CNTNAP2: variants seen among roughly 807,000 people sequenced by gnomAD.
CNTNAP2 encodes contactin associated protein 2.
In CNTNAP2, 98 loss-of-function variants were observed where a neutral mutation model predicts 155.2. That is an observed-to-expected ratio of 0.63 (90% confidence interval 0.54 to 0.75). The LOEUF (loss-of-function observed/expected upper bound fraction) is 0.75. CNTNAP2 is among the 30% of genes least tolerant of loss of function. The pLI is 0.00. For synonymous variants in CNTNAP2, 651 were observed against 631.2 expected, an observed-to-expected ratio of 1.03 and a Z score of -0.47; for missense variants, 1,727 against 1,688.1, an observed-to-expected ratio of 1.02 and a Z score of -0.40.
chr7:147,706,628 TTGTA>T (rs1796321383), intron 13 of CNTNAP2, among the ~76,000 whole-genome samples: 1 of 152,188 alleles, frequency 6.6e-6, no homozygotes. Flanking sequence ...GGAATTGTAT[TTGTA>T]TGGGAACTTC....
chr7:146,494,106 G>A (rs954906075), intron 1 of CNTNAP2, among the ~76,000 whole-genome samples: 1 of 152,080 alleles, frequency 6.6e-6, no homozygotes, highest in Admixed American at 6.6e-5. Context: ...AGGCCGAGGC[G>A]GGCGGATCAC....
chr7:146,487,596 C>T (rs1291988500), intron 1 of CNTNAP2, among the ~76,000 whole-genome samples: 2 of 152,282 alleles, frequency 1.3e-5, no homozygotes, highest in South Asian at 2.1e-4. Context: ...ATTTTCCCCA[C>T]AGCAAACTGA....
At chr7:146,617,260 C>T (rs1799241996) in intron 1 of CNTNAP2, among the ~76,000 whole-genome samples, 1 of 152,190 alleles carries the variant, frequency 6.6e-6, no homozygotes, top group Non-Finnish European at 1.5e-5. Flanking sequence ...ATAACATGAG[C>T]TTGAACAAAA....
At chr7:147,258,655 CA>C (rs1308504273) in intron 8 of CNTNAP2, among the ~76,000 whole-genome samples, 2 of 152,090 alleles carry the variant, frequency 1.3e-5, no homozygotes, top group South Asian at 4.1e-4. Flanking sequence ...AGTCGAAGAT[CA>C]GGGGTGCAAA....
At chr7:147,043,215 G>A (rs1344991559) in intron 3 of CNTNAP2, among the ~76,000 whole-genome samples, 1 of 151,512 alleles carries the variant, frequency 6.6e-6, no homozygotes, top group South Asian at 2.1e-4. Flanking sequence ...TTGAATGATC[G>A]TTATGTATGC....
At chr7:147,717,150 G>T (rs150768187) in intron 13 of CNTNAP2, among the ~76,000 whole-genome samples, 2,505 of 152,070 alleles carry the variant, frequency 0.016, 225 homozygotes, top group Admixed American at 0.15. Flanking sequence ...CTTTCCTTTA[G>T]GTCCTATGGC....
intron 1 of CNTNAP2, among the ~76,000 whole-genome samples, chr7:146,462,594 G>GT (rs1017949976): frequency 2.0e-5 from 3 of 152,048 alleles, no homozygotes; most frequent in African/African-American, 7.2e-5. Flanking sequence ...CCATTAGTAC[G>GT]TTTTGTTTTC....
At chr7:146,492,462 C>T (rs1797155370) in intron 1 of CNTNAP2, among the ~76,000 whole-genome samples, 1 of 152,138 alleles carries the variant, frequency 6.6e-6, no homozygotes, top group African/African-American at 2.4e-5. Context: ...CATCTTAGTT[C>T]CTTGGTTCTT....
In CNTNAP2 at chr7:146,721,584, CTATATATATATTCTATATACATTCTA is replaced by C. The variant is rs1801318715; in HGVS notation, c.98-52677_98-52652del. Among the ~76,000 whole-genome samples the C allele has an allele frequency of 5.1e-5, 4 of 78,868 alleles. 1 individual carries two copies. The African/African-American group carries it at 5.6e-4, about 11-fold the overall frequency. The allele number at this position is 78,868 out of a possible 152,430, so 51.7% of individuals were successfully genotyped here. ...ATTCTATATATATTCTATATACATT[CTATATATATATTCTATATACATTCTA>C]TATATATATTCTATATACATTCTAT... On this transcript the variant is annotated intron_variant, in intron 1 of 23. Coordinates refer to ENST00000361727, the MANE Select transcript of CNTNAP2 (RefSeq NM_014141.6).
chr7:147,295,373 G>A (rs1474047379), intron 8 of CNTNAP2, among the ~76,000 whole-genome samples: 2 of 152,010 alleles, frequency 1.3e-5, no homozygotes, highest in African/African-American at 4.8e-5. Flanking sequence ...TTTTGTTGTG[G>A]TTCTTGTTTA....
intron 3 of CNTNAP2, among the ~76,000 whole-genome samples, chr7:146,971,040 A>T (rs574522302): frequency 6.6e-6 from 1 of 152,176 alleles, no homozygotes; most frequent in Admixed American, 6.6e-5. Context: ...GAAGGGGAAC[A>T]TCACACTCTG....
At chr7:147,665,351 A>G (rs1481607172) in intron 13 of CNTNAP2, among the ~76,000 whole-genome samples, 1 of 152,142 alleles carries the variant, frequency 6.6e-6, no homozygotes, top group Non-Finnish European at 1.5e-5. Context: ...ATTGTCTCCT[A>G]TTTTACCGTA....
chr7:147,010,934 G>A (rs1337137281), intron 3 of CNTNAP2, among the ~76,000 whole-genome samples: 3 of 152,112 alleles, frequency 2.0e-5, no homozygotes, highest in African/African-American at 7.2e-5. Flanking sequence ...ACCTTCCACA[G>A]TAGAGAAGCT....
intron 1 of CNTNAP2, among the ~76,000 whole-genome samples, chr7:146,385,871 T>C (rs978770587): frequency 6.6e-6 from 1 of 152,238 alleles, no homozygotes; most frequent in Non-Finnish European, 1.5e-5. Context: ...TACAACTGTT[T>C]TAAAGGATAG....
At chr7:148,413,399 A>AAAAAAATAAAT (rs1212154323) in intron 23 of CNTNAP2, among the ~76,000 whole-genome samples, 7 of 48,582 alleles carry the variant, frequency 1.4e-4, no homozygotes, top group African/African-American at 9.3e-4. Flanking sequence ...TCTCAAAAAA[A>AAAAAAATAAAT]AAATATATAT....
chr7:147,575,169 A>T (rs1251431125), intron 12 of CNTNAP2, among the ~76,000 whole-genome samples: 5 of 33,874 alleles, frequency 1.5e-4, no homozygotes, highest in South Asian at 1.2e-3. Context: ...TAGCTTTAGG[A>T]GTATGCATAT....
chr7:146,412,280 C>T (rs900580372), intron 1 of CNTNAP2, among the ~76,000 whole-genome samples: 4 of 152,236 alleles, frequency 2.6e-5, no homozygotes, highest in Admixed American at 2.6e-4. Flanking sequence ...AGCCGCAATG[C>T]TCTTATCTGT....
chr7:147,014,179 T>C (rs1330517464), intron 3 of CNTNAP2, among the ~76,000 whole-genome samples: 5 of 152,184 alleles, frequency 3.3e-5, no homozygotes, highest in African/African-American at 4.8e-5. Context: ...TAATGTTAAT[T>C]ATTCTGTGTT....
intron 15 of CNTNAP2, among the ~76,000 whole-genome samples, chr7:148,022,340 G>T (rs1277971034): frequency 6.6e-6 from 1 of 151,938 alleles, no homozygotes; most frequent in Non-Finnish European, 1.5e-5. Context: ...GTGGCGGCAG[G>T]CACCTGTAGT....
Sources: allele counts gnomAD v4.1 joint callset (sites outside exome capture counted in the v4.1 genomes callset), GRCh38; gene constraint gnomAD v4.1.1; transcripts MANE v1.5; gene names NCBI Gene and HGNC (gene_info 2026-07-23, HGNC 2026-07-21).